RORA: variants seen among roughly 807,000 people sequenced by gnomAD.
RORA encodes nuclear receptor ROR-alpha.
A neutral mutation model predicts 69.5 loss-of-function variants in RORA; 7 were observed. The observed-to-expected ratio is 0.10, with a 90% CI of 0.06 to 0.19. The LOEUF (loss-of-function observed/expected upper bound fraction) is 0.19, where lower values mean the gene tolerates loss of function less well. Ranked by LOEUF, RORA falls within the 10% of genes least tolerant of loss-of-function variation. The probability of loss-of-function intolerance (pLI) is 1.00; values close to 1 mark genes in which losing one functional copy is unlikely to be tolerated. For missense variants in RORA, 457 were observed against 663.0 expected (o/e 0.69, Z 3.41); for synonymous variants, 261 against 240.8 (o/e 1.08, Z -0.78).
At position 60,611,559 on chromosome 15, in the gene RORA, C is replaced by CAAAAAAAAAAAAAAAAAAAAAAAA. The variant is rs533598270; in HGVS notation, c.196+67074_196+67097dup. Among the ~76,000 whole-genome samples the CAAAAAAAAAAAAAAAAAAAAAAAA allele has an allele frequency of 1.2e-3, 43 of 35,818 alleles. 16 individuals carry two copies. Among genetic ancestry groups the CAAAAAAAAAAAAAAAAAAAAAAAA allele is most frequent in the Non-Finnish European group, 1.4e-3 (31 of 21,418 alleles). 23.5% of individuals were successfully genotyped at this position (35,818 alleles called of 152,430 possible). On this transcript the variant is annotated intron_variant, in intron 2 of 10. Coordinates refer to ENST00000335670, the MANE Select transcript of RORA (RefSeq NM_134261.3). ...TTACCTCAAACAATCTTGAGTTTTG[C>CAAAAAAAAAAAAAAAAAAAAAAAA]AAAAAAAAAAAAAAAAAAAAAAAAA...
In RORA at chr15:61,197,359, G is replaced by A. The variant is rs185469469; in HGVS notation, c.166+31694C>T. ...CCCGTCTCCAGGCAAGGGCTCCCCC[G>A]TTCCCATGGTGTGGAGAAGCCTGCC... On this transcript the variant is annotated intron_variant, in intron 1 of 10. Transcript: ENST00000335670. 5.6e-4 allele frequency among the ~76,000 whole-genome samples: 85 copies of A among 152,320 alleles called. 1 individual carries two copies. The highest frequency in any genetic ancestry group is 1.5e-3 in the Admixed American group (23 of 15,308).
chr15:61,051,929 G>A (rs545387064), intron 1 of RORA, among the ~76,000 whole-genome samples: 1 of 152,330 alleles, frequency 6.6e-6, no homozygotes, highest in South Asian at 2.1e-4. Context: ...CAGCAGAAAG[G>A]GAGGGTGCAC....
intron 1 of RORA, among the ~76,000 whole-genome samples, chr15:61,125,339 T>C (rs972543278): frequency 2.6e-5 from 4 of 152,218 alleles, no homozygotes; most frequent in African/African-American, 9.6e-5. Context: ...AGAAAGGTGT[T>C]ATCAAATTAT....
At chr15:61,183,691 T>A (rs2079711322) in intron 1 of RORA, among the ~76,000 whole-genome samples, 1 of 152,198 alleles carries the variant, frequency 6.6e-6, no homozygotes, top group African/African-American at 2.4e-5. Context: ...TTTATTCTGA[T>A]TTTTTGTGTA....
chr15:60,676,560 C>T (rs577084440), intron 2 of RORA, among the ~76,000 whole-genome samples: 1 of 152,334 alleles, frequency 6.6e-6, no homozygotes, highest in Non-Finnish European at 1.5e-5. Context: ...AGTCTTTCTA[C>T]ATTGACTTCA....
intron 2 of RORA, among the ~76,000 whole-genome samples, chr15:60,633,756 C>A (rs1272778713): frequency 6.6e-6 from 1 of 152,198 alleles, no homozygotes; most frequent in Non-Finnish European, 1.5e-5. Context: ...GGATGATTGC[C>A]TGAAATTGCT....
Position 60,543,170 on chromosome 15 carries a change from CTTTTTTTTTTTTTTTTTTTTTTTTTT to C in RORA, c.197-11345_197-11320del, listed in dbSNP as rs200401959. 2.9e-4 allele frequency among the ~76,000 whole-genome samples: 37 copies of C among 125,426 alleles called. 1 individual carries two copies. Among genetic ancestry groups the C allele is most frequent in the African/African-American group, 6.4e-4 (16 of 24,900 alleles). 82.3% of individuals were successfully genotyped at this position (125,426 alleles called of 152,430 possible). The stretch of plus-strand genomic sequence containing the variant: ...TAGGAATTAAGGATGAAAGTGAAAA[CTTTTTTTTTTTTTTTTTTTTTTTTTT>C]TTTTTTTTTTTTTTTTAAGGAAAAA... On this transcript the variant is annotated intron_variant, in intron 2 of 10. Coordinates refer to ENST00000335670, the MANE Select transcript of RORA (RefSeq NM_134261.3).
intron 1 of RORA, among the ~76,000 whole-genome samples, chr15:61,180,505 AC>A (rs1388714371): frequency 1.3e-5 from 2 of 152,174 alleles, no homozygotes; most frequent in Admixed American, 1.3e-4. Flanking sequence ...AGTGTTCACA[AC>A]TTTCTACCAA....
chr15:60,489,922 T>A lies in RORA; in HGVS notation c.*7533A>T, dbSNP rs2065014580. The A allele has an allele frequency of 6.6e-6, 1 of 152,118 alleles. No homozygotes were observed. Among genetic ancestry groups the A allele is most frequent in the Non-Finnish European group, 1.5e-5 (1 of 68,002 alleles). 9.4% of individuals were successfully genotyped at this position (152,118 alleles called of 1,614,324 possible). ...AGGCCTGGCAAATTATTTTTCAGCT[T>A]AGGAGATATGCTGTAAAGCCAAGTA... On this transcript the variant is annotated 3_prime_UTR_variant, in exon 11 of 11. Transcript: ENST00000335670.
chr15:61,009,735 G>A (rs66507209), intron 1 of RORA, among the ~76,000 whole-genome samples: 20,662 of 152,086 alleles, frequency 0.14, 1,563 homozygotes, highest in East Asian at 0.28. Flanking sequence ...CTATCCTGAG[G>A]TAAAATATTA....
chr15:60,516,521 T>C (rs910963251), intron 3 of RORA, among the ~76,000 whole-genome samples: 1 of 151,768 alleles, frequency 6.6e-6, no homozygotes, highest in Non-Finnish European at 1.5e-5. Context: ...AATTATTACC[T>C]TCAAAGCTTT....
chr15:60,689,628 G>C (rs1220848391), intron 1 of RORA, among the ~76,000 whole-genome samples: 1 of 152,066 alleles, frequency 6.6e-6, no homozygotes, highest in African/African-American at 2.4e-5. Context: ...AGGCAATACT[G>C]GTCCAGGGAC....
intron 2 of RORA, among the ~76,000 whole-genome samples, chr15:60,604,132 CAAAAAA>C (rs3053857): frequency 8.7e-5 from 8 of 91,968 alleles, no homozygotes; most frequent in Admixed American, 1.2e-4. Context: ...GACTCTGTCT[CAAAAAA>C]AAAAAAAAAA....
intron 1 of RORA, among the ~76,000 whole-genome samples, chr15:60,689,147 T>C (rs1376729669): frequency 1.3e-5 from 2 of 152,326 alleles, no homozygotes; most frequent in African/African-American, 4.8e-5. Flanking sequence ...TTTCAATATC[T>C]GTAGGATGGA....
intron 1 of RORA, among the ~76,000 whole-genome samples, chr15:61,078,301 T>C (rs1435812882): frequency 6.6e-6 from 1 of 150,924 alleles, no homozygotes; most frequent in Non-Finnish European, 1.5e-5. Flanking sequence ...GTAGCTGAGA[T>C]TACAGGCACG....
chr15:60,533,774 G>A (rs2066597535), intron 2 of RORA, among the ~76,000 whole-genome samples: 1 of 152,144 alleles, frequency 6.6e-6, no homozygotes, highest in Non-Finnish European at 1.5e-5. Flanking sequence ...GCACCATGAA[G>A]TCCTTGAACC....
chr15:60,624,363 G>A (rs886607482), intron 2 of RORA, among the ~76,000 whole-genome samples: 18 of 150,180 alleles, frequency 1.2e-4, no homozygotes, highest in Non-Finnish European at 2.5e-4. Flanking sequence ...AGAGAGTCAA[G>A]AGGCCTAAAG....
At chr15:60,533,117 T>G (rs1319212827) in intron 2 of RORA, among the ~76,000 whole-genome samples, 2 of 152,230 alleles carry the variant, frequency 1.3e-5, no homozygotes, top group African/African-American at 4.8e-5. Flanking sequence ...CACATGAAAC[T>G]ATTGGATTTA....
chr15:60,733,205 C>T (rs866605080), intron 1 of RORA, among the ~76,000 whole-genome samples: 3 of 152,184 alleles, frequency 2.0e-5, no homozygotes, highest in African/African-American at 7.2e-5. Flanking sequence ...CAACCTCCTC[C>T]CCTACTCATA....
Sources: allele counts gnomAD v4.1 joint callset (sites outside exome capture counted in the v4.1 genomes callset), GRCh38; gene constraint gnomAD v4.1.1; transcripts MANE v1.5; gene names NCBI Gene and HGNC (gene_info 2026-07-23, HGNC 2026-07-21).